RTKN2: variants seen among roughly 807,000 people sequenced by gnomAD.
RTKN2 encodes the protein rhotekin-2.
Under a neutral mutation model 71.5 loss-of-function variants are expected in RTKN2, and 69 were observed. That is an observed-to-expected ratio of 0.96 (90% CI 0.79 to 1.18). RTKN2 has a LOEUF of 1.18. Ranked by LOEUF, RTKN2 falls within the 50% of genes most tolerant of loss-of-function variation. The pLI is 0.00. For missense variants in RTKN2, 724 were observed against 719.7 expected, an observed-to-expected ratio of 1.01 and a Z score of -0.07; for synonymous variants, 236 against 236.5, an observed-to-expected ratio of 1.00 and a Z score of 0.02.
At chr10:62,256,501 G>T (rs973754583) in intron 2 of RTKN2, among the ~76,000 whole-genome samples, 2 of 152,232 alleles carry the variant, frequency 1.3e-5, no homozygotes, top group African/African-American at 4.8e-5. Flanking sequence ...CGGGATATTA[G>T]ATTATTATGG....
chr10:62,196,719 T>C lies in RTKN2; in HGVS notation c.*1189A>G. 1 of 984,324 alleles carries C rather than the reference T, an allele frequency of 1.0e-6. No homozygotes were observed. The highest frequency in any genetic ancestry group is 1.2e-6 in the Non-Finnish European group (1 of 828,916). The allele number at this position is 984,324 out of a possible 1,614,324, so 61.0% of individuals were successfully genotyped here. On this transcript the variant is annotated 3_prime_UTR_variant, in exon 12 of 12. Coordinates refer to ENST00000373789, the MANE Select transcript of RTKN2 (RefSeq NM_145307.4). ...TGTGATTTGAGATTTTTAGTGCTGT[T>C]GCTGACACCTTATGGAAACTGTTTT... is the stretch of plus-strand genomic sequence containing the variant.
chr10:62,200,814 A>G (rs1224820802), intron 10 of RTKN2, among the ~76,000 whole-genome samples: 1 of 152,124 alleles, frequency 6.6e-6, no homozygotes, highest in Non-Finnish European at 1.5e-5. Context: ...ATATCACCCA[A>G]TAAAATTCTG....
intron 10 of RTKN2, among the ~76,000 whole-genome samples, chr10:62,201,624 C>T (rs564089468): frequency 2.2e-4 from 34 of 152,120 alleles, no homozygotes; most frequent in Non-Finnish European, 8.8e-5. Flanking sequence ...CAAACTGGCA[C>T]ACTTTTCTGT....
chr10:62,207,545 C>T (rs1366642892), intron 9 of RTKN2, among the ~76,000 whole-genome samples: 4 of 152,040 alleles, frequency 2.6e-5, no homozygotes, highest in Admixed American at 1.3e-4. Flanking sequence ...ATAGTTCTCA[C>T]GTCTTCAATT....
chr10:62,235,203 G>A (rs527663736), intron 6 of RTKN2, among the ~76,000 whole-genome samples: 56 of 152,242 alleles, frequency 3.7e-4, no homozygotes, highest in Non-Finnish European at 6.6e-4. Context: ...TGTAGACCTT[G>A]TTTGGATTCC....
intron 8 of RTKN2, among the ~76,000 whole-genome samples, chr10:62,185,257 A>G (rs1418090573): frequency 6.6e-6 from 1 of 151,786 alleles, no homozygotes; most frequent in Non-Finnish European, 1.5e-5. Context: ...ACTGGTACTC[A>G]GGCACCAAGT....
intron 8 of RTKN2, among the ~76,000 whole-genome samples, chr10:62,187,371 AC>A (rs1841153828): frequency 6.6e-6 from 1 of 152,046 alleles, no homozygotes; most frequent in African/African-American, 2.4e-5. Context: ...AAGTCCTTGG[AC>A]ACATGTAAAT....
chr10:62,186,965 C>G (rs912085024), intron 8 of RTKN2, among the ~76,000 whole-genome samples: 1 of 152,148 alleles, frequency 6.6e-6, no homozygotes, highest in Non-Finnish European at 1.5e-5. Flanking sequence ...ATACTATTTT[C>G]ACTGGTGTTG....
Position 62,236,235 on chromosome 10 carries a change from T to A in RTKN2, c.517A>T (p.Lys173Ter). 3 of 1,610,540 alleles carry A rather than the reference T, an allele frequency of 1.9e-6. No homozygotes were observed. The highest frequency in any genetic ancestry group is 2.5e-6 in the Non-Finnish European group (3 of 1,177,778). The change falls in exon 6 of 12, where the codon AAG becomes TAG. Residue 173 changes from lysine to a stop codon, truncating the protein, a stop_gained. Transcript: ENST00000373789. LOFTEE classifies it high-confidence loss of function. ...FNEAGPDFQI[K>*]VEVYSCCTEE... ...GTACAGCAACTATACACTTCCACCT[T>A]TATCTGAAAGTCTGGCCCTGCTTCA... is the stretch of plus-strand genomic sequence containing the variant.
At position 62,239,658 on chromosome 10, in the gene RTKN2, C is replaced by T; in HGVS notation, c.478G>A (p.Val160Ile). The change falls in exon 5 of 12, where the codon GTA becomes ATA. Residue 160 changes from valine to isoleucine, a missense_variant. By Grantham distance (29) the Val-to-Ile change is conservative (BLOSUM62 3). Transcript: ENST00000373789. ...KTITDICFEN[V>I]TIFNEAGPDF... The stretch of plus-strand genomic sequence containing the variant: ...TTAAAAAATACTTACAATATGGTTA[C>T]ATTTTCAAAACATATATCTGTGATT... 1 of 1,402,824 alleles carries T rather than the reference C, an allele frequency of 7.1e-7. No individual in the cohort carries two copies. The highest frequency in any genetic ancestry group is 9.8e-7 in the Non-Finnish European group (1 of 1,016,322). 86.9% of individuals were successfully genotyped at this position (1,402,824 alleles called of 1,614,324 possible).
In RTKN2 at chr10:62,196,266, A is replaced by G. The variant is rs1257981365; in HGVS notation, c.*1642T>C. On this transcript the variant is annotated 3_prime_UTR_variant, in exon 12 of 12. Transcript: ENST00000373789. The stretch of plus-strand genomic sequence containing the variant: ...AGAAACTTATGAGAGCCTTCTAGTT[A>G]GAAAAAATAAGTTTACTTTTTAAGG... The G allele has an allele frequency of 3.1e-6, 3 of 975,328 alleles. No individual in the cohort carries two copies. The highest frequency in any genetic ancestry group is 2.4e-6 in the Non-Finnish European group (2 of 820,882). 60.4% of individuals were successfully genotyped at this position (975,328 alleles called of 1,614,324 possible).
chr10:62,265,346 C>G (rs138845791), intron 1 of RTKN2, among the ~76,000 whole-genome samples: 1 of 152,172 alleles, frequency 6.6e-6, no homozygotes, highest in African/African-American at 2.4e-5. Flanking sequence ...GCAACTTCAA[C>G]AGAGACTGAG....
intron 2 of RTKN2, among the ~76,000 whole-genome samples, chr10:62,249,090 T>C (rs1293013600): frequency 6.6e-6 from 1 of 152,136 alleles, no homozygotes; most frequent in Non-Finnish European, 1.5e-5. Flanking sequence ...AAATACAAGT[T>C]TTATTATAGA....
chr10:62,258,021 G>A (rs995970042), intron 2 of RTKN2, among the ~76,000 whole-genome samples: 2 of 152,084 alleles, frequency 1.3e-5, no homozygotes, highest in Non-Finnish European at 2.9e-5. Flanking sequence ...ACACAACTTA[G>A]AAAAAAGTTT....
chr10:62,192,798 T>C (rs1182321132), downstream of RTKN2, among the ~76,000 whole-genome samples: 2 of 152,188 alleles, frequency 1.3e-5, no homozygotes, highest in African/African-American at 2.4e-5. Context: ...TAGTAGGGCA[T>C]GGCAGGTTGG....
At chr10:62,250,197 TG>T (rs1195247623) in intron 2 of RTKN2, among the ~76,000 whole-genome samples, 1 of 152,184 alleles carries the variant, frequency 6.6e-6, no homozygotes, top group Non-Finnish European at 1.5e-5. Flanking sequence ...GAAGTGTGAA[TG>T]GGTCTAAGAC....
chr10:62,214,486 T>C (rs1179303338), intron 9 of RTKN2, among the ~76,000 whole-genome samples: 1 of 152,154 alleles, frequency 6.6e-6, no homozygotes, highest in Non-Finnish European at 1.5e-5. Flanking sequence ...CAAAATCTCA[T>C]TAGTCACCTG....
rs569137770 is a variant in RTKN2 at position 62,187,153 on chromosome 10, G to A, written c.862-2766C>T. On this transcript the variant is annotated intron_variant, in intron 8 of 8. Transcript: ENST00000315289. ...CTTTGCTGCCTAATACAACAAAGAT[G>A]TTGAAGTATACCAGGCACACTATTC... 7.2e-5 allele frequency among the ~76,000 whole-genome samples: 11 copies of A among 152,136 alleles called. No individual in the cohort carries two copies. In the East Asian group the frequency reaches 2.1e-3, roughly 29 times the overall value.
At chr10:62,250,325 G>A (rs948940561) in intron 2 of RTKN2, among the ~76,000 whole-genome samples, 2 of 152,196 alleles carry the variant, frequency 1.3e-5, no homozygotes, top group African/African-American at 4.8e-5. Flanking sequence ...GTCCTTTGGA[G>A]CCTTGGCTAC....
Sources: gnomAD v4.1 joint callset for allele counts (sites outside exome capture counted in the v4.1 genomes callset) on GRCh38, gnomAD v4.1.1 for gene constraint, MANE v1.5 for transcripts, NCBI Gene and HGNC (gene_info 2026-07-23, HGNC 2026-07-21) for gene names.